Variants in ZNF484 observed in about 807,000 individuals in gnomAD.
The protein encoded by ZNF484 is KRAB box containing C2H2 type zinc finger bA526D8.4.
In ZNF484, 11 loss-of-function variants were observed where a neutral mutation model predicts 12.9. The ratio of observed to expected loss-of-function variants is 0.85; its 90% CI spans 0.54 to 1.41. ZNF484 has a LOEUF of 1.41. Ranked by LOEUF, ZNF484 falls within the 40% of genes most tolerant of loss-of-function variation. The pLI is 0.00. For missense variants in ZNF484, 807 were observed against 1,007.7 expected (o/e 0.80, Z 2.70); for synonymous variants, 289 against 334.1 (o/e 0.86, Z 1.47).
chr9:92,847,981 T>G lies in ZNF484; in HGVS notation c.806A>C (p.His269Pro), dbSNP rs148692348. Residue 269 changes from histidine (H) to proline (P), a missense_variant, in exon 5 of 5, where the codon CAT (histidine) becomes CCT (proline). His to Pro is a moderately conservative substitution (Grantham distance 77). Coordinates refer to ENST00000375495, the MANE Select transcript of ZNF484 (RefSeq NM_031486.4). The part of the protein sequence containing the change: ...VFSPKSHAFA[H>P]ESICAEEKQH... ...CTTTTCTTCAGCACAAATACTCTCATGTGCAAAGGCATGTGACTTCGGGGA... is the reference window on the plus strand; with the variant it reads ...CTTTTCTTCAGCACAAATACTCTCAGGTGCAAAGGCATGTGACTTCGGGGA... 299 of 1,614,224 alleles carry G rather than the reference T, an allele frequency of 1.9e-4. 5 individuals carry two copies. The highest frequency in any genetic ancestry group is 5.9e-4 in the South Asian group (54 of 91,088).
intron 2 of ZNF484, among the ~76,000 whole-genome samples, chr9:92,868,868 C>G (rs1310637042): frequency 6.6e-6 from 1 of 152,132 alleles, no homozygotes; most frequent in Non-Finnish European, 1.5e-5. Flanking sequence ...TCAAACTTCT[C>G]TTTTATTTTT....
chr9:92,845,507 T>A lies in ZNF484; in HGVS notation c.*721A>T, dbSNP rs1017420847. ...TACTAACAAAATTAGTGGGAAAAAA[T>A]TTTAGGATTTGATATCCATTTTCTT... On this transcript the variant is annotated 3_prime_UTR_variant, in exon 5 of 5. Transcript: ENST00000375495. This position sits in a 1 kb window ranked among gnomAD's most constrained non-coding sequence, Gnocchi z 4.0. The A allele has an allele frequency of 1.3e-5, 2 of 152,048 alleles. No homozygotes were observed. The highest frequency in any genetic ancestry group is 4.8e-5 in the African/African-American group (2 of 41,386). 9.4% of individuals were successfully genotyped at this position (152,048 alleles called of 1,614,324 possible).
intron 2 of ZNF484, among the ~76,000 whole-genome samples, chr9:92,858,202 T>G (rs1856577391): frequency 6.6e-6 from 1 of 152,152 alleles, no homozygotes. Context: ...GTTCTTATAA[T>G]AAAGAATCAA....
At chr9:92,849,031 G>T (rs2131594565) in intron 4 of ZNF484, among the ~76,000 whole-genome samples, 1 of 151,984 alleles carries the variant, frequency 6.6e-6, no homozygotes, top group East Asian at 2.0e-4. Context: ...GGAGGCTGAG[G>T]CAGGCGGATC....
chr9:92,867,793 G>A (rs145318535), intron 2 of ZNF484, among the ~76,000 whole-genome samples: 8 of 152,208 alleles, frequency 5.3e-5, no homozygotes, highest in Admixed American at 3.3e-4. Flanking sequence ...TTTAATCCAC[G>A]TCCTCTTTCT....
In ZNF484 at chr9:92,856,328, A is replaced by AC. The variant is rs1856453087; in HGVS notation, c.16-11_16-10insG. The AC allele has an allele frequency of 6.5e-7, 1 of 1,539,638 alleles. No individual in the cohort carries two copies. Among genetic ancestry groups the AC allele is most frequent in the African/African-American group, 1.4e-5 (1 of 71,656 alleles). On this transcript the variant is annotated splice_polypyrimidine_tract_variant and intron_variant, in intron 2 of 4. Coordinates refer to ENST00000375495, the MANE Select transcript of ZNF484 (RefSeq NM_031486.4). ...TGAATGACACTGATTCCTGTTAAAA[A>AC]AAAAAAACAAACTTTAAAATAATTT... is the stretch of plus-strand genomic sequence containing the variant.
intron 4 of ZNF484, among the ~76,000 whole-genome samples, chr9:92,854,161 C>T (rs973590162): frequency 6.6e-6 from 1 of 151,918 alleles, no homozygotes. Context: ...ATGAAGGATA[C>T]AGAATGAGAT....
intron 2 of ZNF484, among the ~76,000 whole-genome samples, chr9:92,874,162 T>C (rs1857636958): frequency 6.6e-6 from 1 of 152,228 alleles, no homozygotes; most frequent in Non-Finnish European, 1.5e-5. Flanking sequence ...ATTGATGTTC[T>C]GTGGAAATTT....
intron 1 of ZNF484, 41 bp downstream of exon 1, chr9:92,877,849 C>A: frequency 6.5e-7 from 1 of 1,535,212 alleles, no homozygotes; most frequent in Non-Finnish European, 8.7e-7. Context: ...ATCAGAGATT[C>A]TTCTTGCTCA....
At position 92,848,128 on chromosome 9, in the gene ZNF484, A is replaced by G. The variant is rs757849508; in HGVS notation, c.659T>C (p.Val220Ala). 3.1e-6 allele frequency: 5 copies of G among 1,614,200 alleles called. No individual in the cohort carries two copies. The highest frequency in any genetic ancestry group is 2.5e-6 in the Non-Finnish European group (3 of 1,180,038). The stretch of plus-strand genomic sequence containing the variant: ...ACATTGGTTACATTCACAAGCAGTC[A>G]CTTCTGTATGAGAATTCAAATGAGT... ...IFTHLNSHTE[V>A]TACECNQCGK... The change falls in exon 5 of 5, where the codon GTG (valine) becomes GCG (alanine). Residue 220 changes from valine (V) to alanine (A), a missense_variant. Physicochemically the swap from Val to Ala is moderately conservative, Grantham distance 64. Coordinates refer to ENST00000375495, the MANE Select transcript of ZNF484 (RefSeq NM_031486.4). The surrounding 1 kb of genome is among the most constrained non-coding windows in gnomAD (Gnocchi z 4.1).
chr9:92,850,437 A>G (rs755885381), intron 4 of ZNF484, among the ~76,000 whole-genome samples: 2 of 152,180 alleles, frequency 1.3e-5, no homozygotes, highest in Non-Finnish European at 2.9e-5. Context: ...CTAAATACCA[A>G]TGTATTTATG....
chr9:92,856,323 T>TTA lies in ZNF484; in HGVS notation c.16-6_16-5insTA, dbSNP rs1856451421. ...GTCCTTGAATGACACTGATTCCTGT[T>TTA]AAAAAAAAAAAACAAACTTTAAAAT... On this transcript the variant is annotated splice_region_variant and splice_polypyrimidine_tract_variant and intron_variant, in intron 2 of 4. Coordinates refer to ENST00000375495, the MANE Select transcript of ZNF484 (RefSeq NM_031486.4). 4 of 1,360,378 alleles carry TTA rather than the reference T, an allele frequency of 2.9e-6. No homozygotes were observed. In the Admixed American group the frequency reaches 9.8e-5, roughly 33 times the overall value. The allele number at this position is 1,360,378 out of a possible 1,614,324, so 84.3% of individuals were successfully genotyped here.
intron 2 of ZNF484, among the ~76,000 whole-genome samples, chr9:92,865,049 AGAGAGAGAAC>A (rs1856990868): frequency 6.6e-6 from 1 of 152,212 alleles, no homozygotes; most frequent in Non-Finnish European, 1.5e-5. Flanking sequence ...AGAAAGAGAG[AGAGAGAGAAC>A]GAGAGAGAAA....
At position 92,848,374 on chromosome 9, in the gene ZNF484, C is replaced by A. The variant is rs139334933; in HGVS notation, c.413G>T (p.Arg138Leu). Residue 138 changes from arginine (R) to leucine (L), a missense_variant, in exon 5 of 5, where the codon CGT (arginine) becomes CTT (leucine). Arg to Leu is a moderately radical substitution (Grantham distance 102). Coordinates refer to ENST00000375495, the MANE Select transcript of ZNF484 (RefSeq NM_031486.4). This position sits in a 1 kb window ranked among gnomAD's most constrained non-coding sequence, Gnocchi z 4.1. ...TGTTTTCTTGTTAATGAAGACAACA[C>A]GACTTAAAGGTTTGTTCTGGTTTTC... ...CGENQNKPLSRVVFINKKTLA... is the reference protein window; with the variant it reads ...CGENQNKPLSLVVFINKKTLA... The A allele has an allele frequency of 4.3e-6, 7 of 1,613,950 alleles. No homozygotes were observed. The African/African-American group carries it at 6.7e-5, about 15-fold the overall frequency.
In ZNF484 at chr9:92,846,539, A is replaced by G. The variant is rs1259095611; in HGVS notation, c.2248T>C (p.Cys750Arg). 2 of 1,613,968 alleles carry G rather than the reference A, an allele frequency of 1.2e-6. No individual in the cohort carries two copies. Among genetic ancestry groups the G allele is most frequent in the East Asian group, 2.2e-5 (1 of 44,878 alleles). Residue 750 changes from cysteine (C) to arginine (R), a missense_variant, in exon 5 of 5, where the codon TGC (cysteine) becomes CGC (arginine). By Grantham distance (180) the Cys-to-Arg change is radical. Transcript: ENST00000375495. ...RIHTGEKPYE[C>R]SDCGKSFIKK... ...ATGAAAGACTTGCCACAGTCACTGCATTCATAGGGTTTCTCTCCAGTATGA... is the reference window on the plus strand; with the variant it reads ...ATGAAAGACTTGCCACAGTCACTGCGTTCATAGGGTTTCTCTCCAGTATGA...
rs10821027 is a variant in ZNF484, at chr9:92,844,801, C to T, written c.*1427G>A. Among the ~76,000 whole-genome samples, 73,038 of 151,870 alleles carry T rather than the reference C, an allele frequency of 0.48. 18,630 individuals are homozygous for T. Among genetic ancestry groups the T allele is most frequent in the African/African-American group, 0.65 (27,126 of 41,456 alleles). Reference sequence around the variant, plus strand: ...GTAAAAGAAATACTAAAGGGTGTTCCTCAGTAAGAAGCAAAATAATTCTAG... The same window carrying T: ...GTAAAAGAAATACTAAAGGGTGTTCTTCAGTAAGAAGCAAAATAATTCTAG... On this transcript the variant is annotated 3_prime_UTR_variant, in exon 5 of 5. Coordinates refer to ENST00000375495, the MANE Select transcript of ZNF484 (RefSeq NM_031486.4).
At chr9:92,860,113 A>C (rs532902133) in intron 2 of ZNF484, among the ~76,000 whole-genome samples, 1 of 152,288 alleles carries the variant, frequency 6.6e-6, no homozygotes, top group South Asian at 2.1e-4. Flanking sequence ...AAGGTACCCC[A>C]CTATAAACCA....
At position 92,848,910 on chromosome 9, in the gene ZNF484, AAAATAAATAAATAAATAAATAAAT is replaced by A. The variant is rs145197582; in HGVS notation, c.236-383_236-360del. ...GGTGACAGAGCAAGACTCTGTCTCC[AAAATAAATAAATAAATAAATAAAT>A]AAATAAATAAATAAATAAATAAAAA... On this transcript the variant is annotated intron_variant, in intron 4 of 4. Coordinates refer to ENST00000375495, the MANE Select transcript of ZNF484 (RefSeq NM_031486.4). This position sits in a 1 kb window ranked among gnomAD's most constrained non-coding sequence, Gnocchi z 4.1. Among the ~76,000 whole-genome samples, 6 of 141,342 alleles carry A rather than the reference AAAATAAATAAATAAATAAATAAAT, an allele frequency of 4.2e-5. No individual in the cohort carries two copies. Among genetic ancestry groups the A allele is most frequent in the African/African-American group, 1.3e-4 (5 of 37,420 alleles). The allele number at this position is 141,342 out of a possible 152,430, so 92.7% of individuals were successfully genotyped here.
chr9:92,863,603 AGAT>A (rs1856902847), intron 2 of ZNF484, among the ~76,000 whole-genome samples: 1 of 151,692 alleles, frequency 6.6e-6, no homozygotes, highest in South Asian at 2.1e-4. Context: ...TAGAATTGAT[AGAT>A]GGAGTAAGAA....
Sources: allele counts gnomAD v4.1 joint callset (sites outside exome capture counted in the v4.1 genomes callset), GRCh38; gene constraint gnomAD v4.1.1; non-coding constraint Gnocchi (gnomAD v3.1); transcripts MANE v1.5; gene names NCBI Gene and HGNC (gene_info 2026-07-23, HGNC 2026-07-21).